The following CCDC47 variants were observed in gnomAD, a reference collection of about 807,000 sequenced individuals.
The protein encoded by CCDC47 is coiled-coil domain containing 47.
A neutral mutation model predicts 60.5 loss-of-function variants in CCDC47; 41 were observed. The observed-to-expected ratio is 0.68, with a 90% CI of 0.53 to 0.88. The LOEUF is 0.88. Among genes scored for constraint, CCDC47 ranks in the 40% least tolerant of loss-of-function variants. The probability of loss-of-function intolerance (pLI) is 0.00; values close to 1 mark genes in which losing one functional copy is unlikely to be tolerated. For synonymous variants in CCDC47, 195 were observed against 190.7 expected (o/e 1.02, Z -0.18); for missense variants, 513 against 580.9 (o/e 0.88, Z 1.20).
chr17:63,758,510 G>GA (rs200867273), intron 6 of CCDC47, among the ~76,000 whole-genome samples: 47,602 of 144,066 alleles, frequency 0.33, 8,238 homozygotes, highest in South Asian at 0.58. Context: ...TCGGTCTCTA[G>GA]AAAAAAAAAA....
intron 1 of CCDC47, among the ~76,000 whole-genome samples, chr17:63,771,826 A>C (rs2039343835): frequency 6.6e-6 from 1 of 152,144 alleles, no homozygotes; most frequent in African/African-American, 2.4e-5. Context: ...CCACGTCTGT[A>C]ATCTCAGCAC....
chr17:63,747,743 G>T, intron 12 of CCDC47: 1 of 985,154 alleles, frequency 1.0e-6, no homozygotes, highest in Non-Finnish European at 1.2e-6. Context: ...GGAGAAAATA[G>T]GGAAGAAAAG....
At chr17:63,754,369 C>A in intron 9 of CCDC47, 64 bp downstream of exon 9, 1 of 949,676 alleles carries the variant, frequency 1.1e-6, no homozygotes, top group Admixed American at 1.9e-5. Context: ...AAGCACCTTA[C>A]AGGTGTTTCA....
In CCDC47 at chr17:63,746,733, C is replaced by T. The variant is rs2039123163; in HGVS notation, c.*148G>A. On this transcript the variant is annotated 3_prime_UTR_variant, in exon 13 of 13. Coordinates refer to ENST00000225726, the MANE Select transcript of CCDC47 (RefSeq NM_020198.3). ...CTTCAATCTCTGTAAAACCCCAAAC[C>T]CCAAACAGAGTAGATGATGAAATAA... 3.2e-6 allele frequency: 2 copies of T among 615,542 alleles called. No homozygotes were observed. The highest frequency in any genetic ancestry group is 4.8e-5 in the South Asian group (2 of 42,074). 38.1% of individuals were successfully genotyped at this position (615,542 alleles called of 1,614,324 possible). A position where few individuals can be genotyped will look rare whatever the true frequency, so the allele number is the denominator to read the frequency against.
At chr17:63,772,675 A>G (rs946706108) in intron 1 of CCDC47, 1 of 152,216 alleles carries the variant, frequency 6.6e-6, no homozygotes, top group African/African-American at 2.4e-5. Context: ...TTGAATTTCC[A>G]ATTAGAATAT....
intron 1 of CCDC47, among the ~76,000 whole-genome samples, chr17:63,770,513 A>G (rs1297025805): frequency 6.6e-6 from 1 of 152,196 alleles, no homozygotes; most frequent in Non-Finnish European, 1.5e-5. Flanking sequence ...AATGCAAGCA[A>G]TTGAGTATTA....
At chr17:63,761,438 T>C in intron 4 of CCDC47, 87 bp from the exon 5 acceptor site, 1 of 1,478,368 alleles carries the variant, frequency 6.8e-7, no homozygotes, top group Non-Finnish European at 9.3e-7. Context: ...TCCCAGCACT[T>C]TGGGAGGCTG....
In CCDC47 at chr17:63,761,372, T is replaced by A. The variant is rs766220473; in HGVS notation, c.548-21A>T. ...ATCCCCTAGGGGTAAAACCACTTAA[T>A]GTGACTCAACAGAAAATGTCAAGGC... On this transcript the variant is annotated intron_variant, in intron 4 of 12. Transcript: ENST00000225726. The A allele has an allele frequency of 1.9e-6, 3 of 1,613,324 alleles. No individual in the cohort carries two copies. In the East Asian group the frequency reaches 6.7e-5, roughly 36 times the overall value.
At chr17:63,749,280 C>T (rs752886838) in intron 12 of CCDC47, among the ~76,000 whole-genome samples, 4 of 151,836 alleles carry the variant, frequency 2.6e-5, no homozygotes, top group Non-Finnish European at 4.4e-5. Flanking sequence ...TGGAGGCAGG[C>T]ACCTGTAATC....
chr17:63,753,048 A>G, intron 9 of CCDC47: 1 of 520,036 alleles, frequency 1.9e-6, no homozygotes, highest in Non-Finnish European at 2.5e-6. Flanking sequence ...CCCTCCAGGC[A>G]AGGGTATATT....
At chr17:63,766,538 C>T (rs1425567795) in intron 1 of CCDC47, among the ~76,000 whole-genome samples, 1 of 152,184 alleles carries the variant, frequency 6.6e-6, no homozygotes, top group Non-Finnish European at 1.5e-5. Context: ...ATTCTCCTGC[C>T]TCAGCCTCCC....
At chr17:63,768,622 C>T (rs1442438149) in intron 1 of CCDC47, among the ~76,000 whole-genome samples, 5 of 152,054 alleles carry the variant, frequency 3.3e-5, no homozygotes, top group African/African-American at 7.3e-5. Context: ...CTCACGAGGC[C>T]GGCCGAGGCT....
At chr17:63,750,373 A>G (rs2039153667) in intron 12 of CCDC47, among the ~76,000 whole-genome samples, 1 of 152,112 alleles carries the variant, frequency 6.6e-6, no homozygotes, top group Non-Finnish European at 1.5e-5. Context: ...AGTCAAATAA[A>G]ACAAAAAAAT....
intron 1 of CCDC47, among the ~76,000 whole-genome samples, chr17:63,769,293 GATC>G (rs2039319089): frequency 6.7e-6 from 1 of 150,288 alleles, no homozygotes; most frequent in African/African-American, 2.5e-5. Flanking sequence ...TCGAAACCCA[GATC>G]ATTTTAGAAG....
intron 1 of CCDC47, among the ~76,000 whole-genome samples, chr17:63,770,250 G>T (rs970141434): frequency 6.6e-6 from 1 of 151,954 alleles, no homozygotes; most frequent in African/African-American, 2.4e-5. Flanking sequence ...GGCATTTACA[G>T]GCATGAGCCA....
chr17:63,752,365 C>G lies in CCDC47; in HGVS notation c.1158G>C (p.Val386=). 1 of 1,613,868 alleles carries G rather than the reference C, an allele frequency of 6.2e-7. No individual in the cohort carries two copies. The highest frequency in any genetic ancestry group is 1.3e-5 in the African/African-American group (1 of 74,964). Residue 386 remains valine (V), a synonymous_variant, in exon 11 of 13, where the codon GTG becomes GTC. Coordinates refer to ENST00000225726, the MANE Select transcript of CCDC47 (RefSeq NM_020198.3). ...MEALLPLMNM[V]IYSIDKAKKF... ...TTTTGGCTTTATCAATAGAATAAAT[C>G]ACCATGTTCATCAGGGGTAGCAGTG... is the stretch of plus-strand genomic sequence containing the variant.
chr17:63,754,960 G>C (rs1395878575), intron 8 of CCDC47, among the ~76,000 whole-genome samples: 1 of 151,250 alleles, frequency 6.6e-6, no homozygotes, highest in Non-Finnish European at 1.5e-5. Flanking sequence ...TAAGACCAAA[G>C]CGTGTTCATT....
chr17:63,765,391 A>G (rs961441129), intron 2 of CCDC47, among the ~76,000 whole-genome samples: 60 of 152,156 alleles, frequency 3.9e-4, no homozygotes, highest in Admixed American at 3.3e-3. Flanking sequence ...CCCAGGCTGA[A>G]GTGCAGTGGC....
chr17:63,768,084 C>T (rs1445313365), intron 1 of CCDC47, among the ~76,000 whole-genome samples: 1 of 152,160 alleles, frequency 6.6e-6, no homozygotes, highest in Non-Finnish European at 1.5e-5. Flanking sequence ...CTGTCTAAAA[C>T]AGAACTTTTG....
Sources: gnomAD v4.1 joint callset for allele counts (sites outside exome capture counted in the v4.1 genomes callset) on GRCh38, gnomAD v4.1.1 for gene constraint, MANE v1.5 for transcripts, NCBI Gene and HGNC (gene_info 2026-07-23, HGNC 2026-07-21) for gene names.